Variants in MCF2L2 observed in about 807,000 individuals in gnomAD.
The protein encoded by MCF2L2 is MCF.2 cell line derived transforming sequence-like 2.
Under a neutral mutation model 150.2 loss-of-function variants are expected in MCF2L2, and 102 were observed. The observed-to-expected ratio is 0.68, with a 90% confidence interval of 0.58 to 0.80. The LOEUF (loss-of-function observed/expected upper bound fraction) is 0.80, where lower values mean the gene tolerates loss of function less well. Ranked by LOEUF, MCF2L2 falls within the 30% of genes least tolerant of loss-of-function variation. The probability of loss-of-function intolerance (pLI) is 0.00; values close to 1 mark genes in which losing one functional copy is unlikely to be tolerated. For missense variants in MCF2L2, 1,256 were observed against 1,372.8 expected (o/e 0.91, Z 1.34); for synonymous variants, 465 against 491.3 (o/e 0.95, Z 0.71).
In MCF2L2 at chr3:183,181,276, C is replaced by T. The variant is rs1300852598; in HGVS notation, c.3017-1117G>A. Among the ~76,000 whole-genome samples the T allele has an allele frequency of 3.9e-5, 6 of 152,148 alleles. No individual in the cohort carries two copies. The highest frequency in any genetic ancestry group is 7.3e-5 in the Non-Finnish European group (5 of 68,032). On this transcript the variant is annotated intron_variant, in intron 27 of 29. Transcript: ENST00000328913. The surrounding 1 kb of genome is among the most constrained non-coding windows in gnomAD (Gnocchi z 4.3). ...AACAAGCCACGTTCTGGGCCCCAGG[C>T]CCTCCCCAGAGCAGATCAGTGGGGG...
chr3:183,290,379 C>G (rs1728064476), intron 13 of MCF2L2, among the ~76,000 whole-genome samples: 1 of 152,186 alleles, frequency 6.6e-6, no homozygotes, highest in Non-Finnish European at 1.5e-5. Flanking sequence ...ACCTTACCAG[C>G]TTTGCCAAGC....
chr3:183,280,866 ACAAG>A (rs1309603427), intron 14 of MCF2L2, among the ~76,000 whole-genome samples: 1 of 150,958 alleles, frequency 6.6e-6, no homozygotes, highest in Non-Finnish European at 1.5e-5. Context: ...AAAAAAACAA[ACAAG>A]CAAACAAACA....
rs769722278 is a variant in MCF2L2 at position 183,338,783 on chromosome 3, T to A, written c.486+17A>T. Reference sequence around the variant, plus strand: ...GAAGCCCTAACCAAATGAGACAAGATGAAAGGTCTTGCTTACCGGCACTTT... The same window carrying A: ...GAAGCCCTAACCAAATGAGACAAGAAGAAAGGTCTTGCTTACCGGCACTTT... On this transcript the variant is annotated intron_variant, in intron 5 of 29. Transcript: ENST00000328913. 6.3e-7 allele frequency: 1 copy of A among 1,590,934 alleles called. No individual in the cohort carries two copies. Among genetic ancestry groups the A allele is most frequent in the South Asian group, 1.1e-5 (1 of 88,394 alleles).
rs183261612 is a variant in MCF2L2 at position 183,179,354 on chromosome 3, G to A, written c.*26C>T. ...CCGGGAATGCGGGCGCTCTGGAGCC[G>A]AGGAGCGGGGGCGTCCGCAGGGAGG... On this transcript the variant is annotated 3_prime_UTR_variant, in exon 30 of 30. Coordinates refer to ENST00000328913, the MANE Select transcript of MCF2L2 (RefSeq NM_015078.4). This position sits in a 1 kb window ranked among gnomAD's most constrained non-coding sequence, Gnocchi z 4.2. The A allele has an allele frequency of 1.2e-3, 1,653 of 1,417,416 alleles. 19 individuals are homozygous for A. In the African/African-American group the frequency reaches 0.02, roughly 17 times the overall value. The allele number at this position is 1,417,416 out of a possible 1,614,324, so 87.8% of individuals were successfully genotyped here.
intron 2 of MCF2L2, among the ~76,000 whole-genome samples, chr3:183,389,431 A>C (rs936245245): frequency 9.3e-5 from 14 of 151,116 alleles, no homozygotes; most frequent in Admixed American, 2.0e-4. Flanking sequence ...TTCTTTCCTC[A>C]AAATCTTTTC....
chr3:183,354,948 G>A (rs1711669703), intron 3 of MCF2L2, among the ~76,000 whole-genome samples: 1 of 152,044 alleles, frequency 6.6e-6, no homozygotes. Flanking sequence ...AATAAATACA[G>A]AAATAAATGT....
At chr3:183,342,962 T>A (rs35874250) in intron 3 of MCF2L2, among the ~76,000 whole-genome samples, 2 of 152,056 alleles carry the variant, frequency 1.3e-5, no homozygotes, top group African/African-American at 4.8e-5. Context: ...TTAAGCATCA[T>A]TGGGTTAATC....
chr3:183,419,423 T>C (rs570195159), intron 1 of MCF2L2, among the ~76,000 whole-genome samples: 1 of 152,374 alleles, frequency 6.6e-6, no homozygotes, highest in East Asian at 1.9e-4. Context: ...CTTGAATTCC[T>C]CCCCAGAAAA....
intron 27 of MCF2L2, chr3:183,182,405 A>G (rs1190052744): frequency 2.0e-5 from 3 of 152,168 alleles, no homozygotes; most frequent in Admixed American, 6.5e-5. Context: ...TTAGAGTGCA[A>G]CCTCAGGGAG....
intron 1 of MCF2L2, among the ~76,000 whole-genome samples, chr3:183,426,959 T>C (rs1015701628): frequency 6.6e-6 from 1 of 152,198 alleles, no homozygotes; most frequent in African/African-American, 2.4e-5. Context: ...ACATTTAACA[T>C]GCAAGTACCA....
Position 183,339,663 on chromosome 3 carries a change from T to C in MCF2L2, c.367-744A>G, listed in dbSNP as rs552374387. On this transcript the variant is annotated intron_variant, in intron 4 of 29. Coordinates refer to ENST00000328913, the MANE Select transcript of MCF2L2 (RefSeq NM_015078.4). ...CAAGGCAAGATTCTGAGCAGGTTCA[T>C]GTAATGCTTCGGGGCAGACTTAGGA... Among the ~76,000 whole-genome samples, 4 of 152,338 alleles carry C rather than the reference T, an allele frequency of 2.6e-5. No homozygotes were observed. The East Asian group carries it at 5.8e-4, about 22-fold the overall frequency.
chr3:183,405,362 A>G (rs1281002928), intron 1 of MCF2L2, among the ~76,000 whole-genome samples: 1 of 152,154 alleles, frequency 6.6e-6, no homozygotes, highest in African/African-American at 2.4e-5. Flanking sequence ...TTTAACCAAT[A>G]GTATAAGTCA....
chr3:183,421,160 ACCTTTT>A, intron 1 of MCF2L2, among the ~76,000 whole-genome samples: 1 of 146,134 alleles, frequency 6.8e-6, no homozygotes, highest in East Asian at 2.1e-4. Flanking sequence ...GGATCTCTTT[ACCTTTT>A]TCCTACTTCA....
chr3:183,241,607 C>T (rs1724029385), intron 15 of MCF2L2, among the ~76,000 whole-genome samples: 1 of 152,148 alleles, frequency 6.6e-6, no homozygotes, highest in Admixed American at 6.5e-5. Context: ...TGAGGCCTCC[C>T]CAGCTATGTG....
chr3:183,387,302 C>T (rs1713888281), intron 2 of MCF2L2, among the ~76,000 whole-genome samples: 1 of 150,440 alleles, frequency 6.6e-6, no homozygotes, highest in Admixed American at 6.6e-5. Flanking sequence ...AGAAGACAAA[C>T]TTAAATGACA....
At chr3:183,196,948 C>T (rs1348275325) in intron 25 of MCF2L2, among the ~76,000 whole-genome samples, 1 of 152,092 alleles carries the variant, frequency 6.6e-6, no homozygotes, top group Non-Finnish European at 1.5e-5. Context: ...GTCATATCTT[C>T]ATAACAAACT....
intron 7 of MCF2L2, among the ~76,000 whole-genome samples, chr3:183,313,274 A>G (rs1451998094): frequency 6.6e-6 from 1 of 150,528 alleles, no homozygotes; most frequent in African/African-American, 2.5e-5. Context: ...TATGTGAGGA[A>G]GAGTTGGGAA....
At chr3:183,370,663 G>C (rs1036308604) in intron 3 of MCF2L2, among the ~76,000 whole-genome samples, 1 of 152,216 alleles carries the variant, frequency 6.6e-6, no homozygotes, top group Admixed American at 6.5e-5. Context: ...CACATATGAG[G>C]TCATTCCACT....
At chr3:183,234,372 T>G (rs1723707475) in intron 15 of MCF2L2, among the ~76,000 whole-genome samples, 1 of 152,234 alleles carries the variant, frequency 6.6e-6, no homozygotes, top group Non-Finnish European at 1.5e-5. Flanking sequence ...TAGGAGCTTT[T>G]AGGACTCTAA....
Sources: allele counts gnomAD v4.1 joint callset (sites outside exome capture counted in the v4.1 genomes callset), GRCh38; gene constraint gnomAD v4.1.1; non-coding constraint Gnocchi (gnomAD v3.1); transcripts MANE v1.5; gene names NCBI Gene and HGNC (gene_info 2026-07-23, HGNC 2026-07-21).